TANC2: variants seen among roughly 807,000 people sequenced by gnomAD.
The protein encoded by TANC2 is tetratricopeptide repeat, ankyrin repeat and coiled-coil containing 2.
In TANC2, 26 loss-of-function variants were observed where a neutral mutation model predicts 210.5. The ratio of observed to expected loss-of-function variants is 0.12; its 90% CI spans 0.09 to 0.17. TANC2 has a LOEUF of 0.17. Ranked by LOEUF, TANC2 falls within the 10% of genes least tolerant of loss-of-function variation. TANC2 has a pLI of 1.00. For missense variants in TANC2, 2,129 were observed against 2,608.9 expected, an observed-to-expected ratio of 0.82 and a Z score of 4.01; for synonymous variants, 931 against 967.1, an observed-to-expected ratio of 0.96 and a Z score of 0.69.
chr17:63,084,763 A>T (rs957081397), intron 3 of TANC2, among the ~76,000 whole-genome samples: 1 of 152,086 alleles, frequency 6.6e-6, no homozygotes, highest in Admixed American at 6.6e-5. Flanking sequence ...TGTGTTTACT[A>T]TCCAAGTATT....
Position 63,400,063 on chromosome 17 carries a change from G to A in TANC2, c.3331+1149G>A, listed in dbSNP as rs116606450. On this transcript the variant is annotated intron_variant, in intron 19 of 27. Transcript: ENST00000689528. ...AGGCTGAGGGGAAGGAACTGGGCAG[G>A]ACATCAGCCGCTCTGGAGTATGCAT... Among the ~76,000 whole-genome samples the A allele has an allele frequency of 4.3e-3, 657 of 152,330 alleles. 6 individuals are homozygous for A. Among genetic ancestry groups the A allele is most frequent in the African/African-American group, 0.014 (572 of 41,580 alleles).
chr17:63,411,592 G>A lies in TANC2; in HGVS notation c.3671G>A (p.Arg1224His), dbSNP rs377115331. 16 of 1,613,986 alleles carry A rather than the reference G, an allele frequency of 9.9e-6. No individual in the cohort carries two copies. Among genetic ancestry groups the A allele is most frequent in the African/African-American group, 5.3e-5 (4 of 75,028 alleles). ...TTGAAGGGCCATCTCTCAGTAGTAC[G>A]TTCTCTGGTGGATAACGGAGCTGCC... Residue 1224 changes from arginine (R) to histidine (H), a missense_variant, in exon 22 of 28, where the codon CGT becomes CAT. By Grantham distance (29) the Arg-to-His change is conservative. This residue lies in a region of TANC2 where 644 missense variants were observed against 937.5 expected (regional missense o/e 0.69). Transcript: ENST00000689528.
chr17:63,420,618 C>A lies in TANC2; in HGVS notation c.4888C>A (p.Pro1630Thr). Residue 1630 changes from proline (P) to threonine (T), a missense_variant, in exon 28 of 28, where the codon CCT (proline) becomes ACT (threonine). Around this residue, in one of 5 missense-constraint regions of TANC2, gnomAD observed 584 missense variants for 627.3 expected, o/e 0.93. Coordinates refer to ENST00000689528, the Ensembl canonical transcript of TANC2. This position sits in a 1 kb window ranked among gnomAD's most constrained non-coding sequence, Gnocchi z 4.2. Reference sequence around the variant, plus strand: ...GAGAGGCCCTCAGTATCGGGCCAGCCCTCCAGCTGAAAGTATGAGTGTCTA... The same window carrying A: ...GAGAGGCCCTCAGTATCGGGCCAGCACTCCAGCTGAAAGTATGAGTGTCTA... 6.2e-7 allele frequency: 1 copy of A among 1,613,958 alleles called. No individual in the cohort carries two copies. The highest frequency in any genetic ancestry group is 1.6e-4 in the Middle Eastern group (1 of 6,062).
intron 1 of TANC2, among the ~76,000 whole-genome samples, chr17:62,975,375 C>T (rs935208069): frequency 1.3e-5 from 2 of 152,004 alleles, no homozygotes; most frequent in Non-Finnish European, 2.9e-5. Flanking sequence ...TGTTCAAATT[C>T]CATGGAATCC....
At chr17:63,172,193 C>CTTTTTTTTTT (rs549414417) in intron 5 of TANC2, among the ~76,000 whole-genome samples, 1 of 131,028 alleles carries the variant, frequency 7.6e-6, no homozygotes, top group Non-Finnish European at 1.7e-5. Context: ...CTTTTCTTTT[C>CTTTTTTTTTT]TTTTTTTTTT....
At chr17:63,313,357 A>G (rs2045194718) in intron 9 of TANC2, 1 of 152,240 alleles carries the variant, frequency 6.6e-6, no homozygotes, top group Non-Finnish European at 1.5e-5. Context: ...TGCTCTGGGA[A>G]CAGTTCAGGA....
Position 63,421,407 on chromosome 17 carries a change from G to A in TANC2, c.5677G>A (p.Glu1893Lys). 1 of 1,613,912 alleles carries A rather than the reference G, an allele frequency of 6.2e-7. No individual in the cohort carries two copies. The highest frequency in any genetic ancestry group is 1.6e-4 in the Middle Eastern group (1 of 6,062). ...GCCATCTTCTTCCATCCAGCAAATGGAGATCCCACTGAAACCTGCATATGA... is the reference window on the plus strand; with the variant it reads ...GCCATCTTCTTCCATCCAGCAAATGAAGATCCCACTGAAACCTGCATATGA... Residue 1893 changes from glutamate to lysine, a missense_variant, in exon 28 of 28, where the codon GAG becomes AAG. Around this residue, in one of 5 missense-constraint regions of TANC2, gnomAD observed 584 missense variants for 627.3 expected, o/e 0.93. Coordinates refer to ENST00000689528, the Ensembl canonical transcript of TANC2. The surrounding 1 kb of genome is among the most constrained non-coding windows in gnomAD (Gnocchi z 6.9).
At chr17:63,000,179 G>A (rs573627297) in intron 1 of TANC2, among the ~76,000 whole-genome samples, 1 of 152,176 alleles carries the variant, frequency 6.6e-6, no homozygotes, top group East Asian at 1.9e-4. Context: ...CCTGTCACAC[G>A]CATTTTACCA....
chr17:63,198,811 G>A (rs959974168), intron 6 of TANC2, among the ~76,000 whole-genome samples: 2 of 151,964 alleles, frequency 1.3e-5, no homozygotes, highest in African/African-American at 4.8e-5. Flanking sequence ...TGCTCTGGTA[G>A]ACCAGCATCA....
chr17:63,347,069 T>C (rs576220078), intron 12 of TANC2, among the ~76,000 whole-genome samples: 41 of 152,306 alleles, frequency 2.7e-4, no homozygotes, highest in Admixed American at 2.4e-3. Flanking sequence ...TTGCTACGTA[T>C]TTACCCAAGA....
chr17:63,413,289 G>A (rs2048760091), intron 24 of TANC2: 1 of 357,316 alleles, frequency 2.8e-6, no homozygotes, highest in Non-Finnish European at 5.0e-6. Context: ...CATGCAGCAC[G>A]CAGGCTTTGC....
intron 13 of TANC2, among the ~76,000 whole-genome samples, chr17:63,351,851 A>G (rs1430185590): frequency 6.6e-6 from 1 of 152,150 alleles, no homozygotes; most frequent in Non-Finnish European, 1.5e-5. Context: ...CTATAGCATG[A>G]ATATGGACTT....
intron 1 of TANC2, among the ~76,000 whole-genome samples, chr17:62,987,882 A>G (rs1375511673): frequency 6.6e-6 from 1 of 152,102 alleles, no homozygotes; most frequent in African/African-American, 2.4e-5. Context: ...TGCTGAAGTC[A>G]CTGAGTTTTT....
chr17:63,144,740 A>G (rs2039408381), intron 4 of TANC2, among the ~76,000 whole-genome samples: 1 of 152,126 alleles, frequency 6.6e-6, no homozygotes, highest in Non-Finnish European at 1.5e-5. Flanking sequence ...CTGTGTATTA[A>G]TTTATAATTG....
At chr17:63,216,792 C>A (rs1470608049) in intron 7 of TANC2, among the ~76,000 whole-genome samples, 1 of 152,114 alleles carries the variant, frequency 6.6e-6, no homozygotes, top group African/African-American at 2.4e-5. Context: ...AGTACAGATT[C>A]CTTTTTAGAA....
intron 4 of TANC2, among the ~76,000 whole-genome samples, chr17:63,108,510 G>A (rs1456855042): frequency 6.6e-6 from 1 of 151,782 alleles, no homozygotes; most frequent in African/African-American, 2.4e-5. Flanking sequence ...CTTGTGAACT[G>A]TTTATAAAAG....
intron 9 of TANC2, among the ~76,000 whole-genome samples, chr17:63,301,159 G>A (rs977066691): frequency 1.3e-5 from 2 of 152,176 alleles, no homozygotes; most frequent in African/African-American, 4.8e-5. Context: ...GCTTTTTGAT[G>A]TGCTGCTGGA....
intron 1 of TANC2, among the ~76,000 whole-genome samples, chr17:62,996,796 A>G (rs1432481498): frequency 2.0e-5 from 3 of 148,998 alleles, no homozygotes; most frequent in African/African-American, 5.0e-5. Flanking sequence ...GCAGATATTC[A>G]CTAAATTTTC....
intron 10 of TANC2, among the ~76,000 whole-genome samples, chr17:63,316,697 A>G (rs560231577): frequency 1.4e-4 from 22 of 152,186 alleles, no homozygotes; most frequent in Non-Finnish European, 2.9e-4. Flanking sequence ...CTCAGAACCA[A>G]TGTTACCTTA....
Sources: allele counts gnomAD v4.1 joint callset (sites outside exome capture counted in the v4.1 genomes callset), GRCh38; gene constraint gnomAD v4.1.1; regional missense constraint gnomAD v4.1.1; non-coding constraint Gnocchi (gnomAD v3.1); transcripts MANE v1.5; gene names NCBI Gene and HGNC (gene_info 2026-07-23, HGNC 2026-07-21).